Variants in HAUS6 observed in about 807,000 individuals in gnomAD.
HAUS6 encodes the protein HAUS augmin like complex subunit 6.
A neutral mutation model predicts 106.8 loss-of-function variants in HAUS6; 80 were observed. The observed-to-expected ratio is 0.75, with a 90% CI of 0.63 to 0.90. The LOEUF is 0.90. HAUS6 is among the 40% of genes least tolerant of loss of function. The pLI, the probability that HAUS6 is intolerant of heterozygous loss-of-function variation, is 0.00. For synonymous variants in HAUS6, 356 were observed against 379.1 expected (o/e 0.94, Z 0.71); for missense variants, 1,155 against 1,118.1 (o/e 1.03, Z -0.47).
At chr9:19,093,332 A>G (rs1817795099) in intron 3 of HAUS6, 29 bp from the exon 4 acceptor site, 1 of 1,570,606 alleles carries the variant, frequency 6.4e-7, no homozygotes, top group Non-Finnish European at 8.7e-7. Flanking sequence ...AGATGATTTG[A>G]AGACCTTGTT....
At chr9:19,079,785 C>G (rs55787535) in intron 9 of HAUS6, among the ~76,000 whole-genome samples, 1 of 151,312 alleles carries the variant, frequency 6.6e-6, no homozygotes, top group African/African-American at 2.4e-5. Context: ...TGCCTGTAAT[C>G]TCAGCTACTC....
rs199509421 is a variant in HAUS6, at chr9:19,087,105, T to A, written c.636A>T (p.Glu212Asp). ...AAGTCACTTACTTCTTTATTTGGTT[T>A]TCCAATCCTATACATTCAGATCTCA... ...RNLRSECIGL[E>D]NQIKKMEPYD... is the part of the protein sequence containing the mutation. The change falls in exon 6 of 17, where the codon GAA becomes GAT. Residue 212 changes from glutamate (E) to aspartate (D), a missense_variant. Coordinates refer to ENST00000380502, the MANE Select transcript of HAUS6 (RefSeq NM_017645.5). The A allele has an allele frequency of 7.3e-6, 11 of 1,512,420 alleles. No homozygotes were observed. The East Asian group carries it at 2.5e-4, about 34-fold the overall frequency. The allele number at this position is 1,512,420 out of a possible 1,614,324, so 93.7% of individuals were successfully genotyped here. A position where few individuals can be genotyped will look rare whatever the true frequency, so the allele number is the denominator to read the frequency against.
intron 1 of HAUS6, among the ~76,000 whole-genome samples, chr9:19,101,245 G>C (rs902476390): frequency 6.6e-6 from 1 of 152,156 alleles, no homozygotes. Context: ...AACAGGCCAG[G>C]CTCGGTGGCT....
chr9:19,092,938 T>C (rs1460419590), intron 4 of HAUS6, among the ~76,000 whole-genome samples: 1 of 132,014 alleles, frequency 7.6e-6, no homozygotes, highest in Non-Finnish European at 1.7e-5. Context: ...AAAAAAGAAA[T>C]GTTTCCCAAC....
chr9:19,098,089 C>T (rs1817900893), intron 1 of HAUS6, among the ~76,000 whole-genome samples: 2 of 152,196 alleles, frequency 1.3e-5, no homozygotes, highest in African/African-American at 2.4e-5. Context: ...TTCTCTTTGA[C>T]ACTTATTGTA....
At chr9:19,099,225 G>C (rs191038627) in intron 1 of HAUS6, among the ~76,000 whole-genome samples, 1 of 150,018 alleles carries the variant, frequency 6.7e-6, no homozygotes, top group Admixed American at 6.6e-5. Flanking sequence ...GGAGTGCAGC[G>C]GCGCGATCTC....
intron 2 of HAUS6, among the ~76,000 whole-genome samples, chr9:19,095,608 G>C (rs1161049670): frequency 2.0e-5 from 3 of 151,576 alleles, no homozygotes; most frequent in East Asian, 1.9e-4. Context: ...CTATTATCCT[G>C]CATACTCAGA....
intron 11 of HAUS6, among the ~76,000 whole-genome samples, chr9:19,075,783 G>A (rs1012039666): frequency 1.3e-5 from 2 of 151,058 alleles, no homozygotes; most frequent in South Asian, 2.1e-4. Flanking sequence ...GTGAAACTCC[G>A]TCTCTACTAA....
intron 11 of HAUS6, among the ~76,000 whole-genome samples, 159 bp downstream of exon 11, chr9:19,076,443 C>A (rs1037348817): frequency 7.9e-5 from 12 of 151,982 alleles, no homozygotes; most frequent in Non-Finnish European, 1.3e-4. Flanking sequence ...GAGTTATATA[C>A]TTTGCAATAA....
intron 1 of HAUS6, among the ~76,000 whole-genome samples, chr9:19,100,090 G>C (rs1262115392): frequency 1.3e-5 from 2 of 152,230 alleles, no homozygotes; most frequent in Non-Finnish European, 2.9e-5. Context: ...AGCTACTCAG[G>C]AGGCTGAGGC....
chr9:19,057,862 A>G, intron 16 of HAUS6, 99 bp downstream of exon 16: 1 of 668,636 alleles, frequency 1.5e-6, no homozygotes, highest in Non-Finnish European at 2.6e-6. Flanking sequence ...GGAGCACATT[A>G]ACAATAAAGG....
At chr9:19,091,941 C>T (rs1332043952) in intron 4 of HAUS6, among the ~76,000 whole-genome samples, 1 of 152,090 alleles carries the variant, frequency 6.6e-6, no homozygotes, top group Admixed American at 6.6e-5. Flanking sequence ...GGATTACAGG[C>T]ATGAGCCACC....
intron 1 of HAUS6, among the ~76,000 whole-genome samples, chr9:19,097,912 T>C (rs1256808899): frequency 6.6e-6 from 1 of 152,210 alleles, no homozygotes; most frequent in Non-Finnish European, 1.5e-5. Context: ...ATTTCTGACT[T>C]AGGATTACTA....
Position 19,060,133 on chromosome 9 carries a change from G to A in HAUS6, c.1720C>T (p.Pro574Ser). Residue 574 changes from proline (P) to serine (S), a missense_variant, in exon 15 of 17, where the codon CCC becomes TCC. Transcript: ENST00000380502. ...GGAATCTGATTCCTTGTTAAGAAGG[G>A]GTTAGAACCCAGAGAGTCAATTAGT... ...EELIDSLGSN[P>S]FLTRNQIPRT... 6.2e-7 allele frequency: 1 copy of A among 1,605,162 alleles called. No homozygotes were observed. Among genetic ancestry groups the A allele is most frequent in the Non-Finnish European group, 8.5e-7 (1 of 1,173,942 alleles).
At chr9:19,098,654 G>C (rs567687543) in intron 1 of HAUS6, among the ~76,000 whole-genome samples, 1 of 152,122 alleles carries the variant, frequency 6.6e-6, no homozygotes, top group East Asian at 1.9e-4. Context: ...GCAACCATAT[G>C]ATTTTTCCAA....
In HAUS6 at chr9:19,089,544, A is replaced by C. The variant is rs1434866457; in HGVS notation, c.452T>G (p.Phe151Cys). ...KSNSKNSSHH[F>C]VETFNIKPQD... ...TGGTTTTATGTTAAATGTCTCTACA[A>C]AATGATGAGAAGAATCTACACAGAA... Residue 151 changes from phenylalanine to cysteine, a missense_variant, in exon 5 of 17, where the codon TTT (phenylalanine) becomes TGT (cysteine). Phe to Cys is a radical substitution (Grantham distance 205, BLOSUM62 -2). Transcript: ENST00000380502. The C allele has an allele frequency of 6.2e-7, 1 of 1,609,734 alleles. No individual in the cohort carries two copies. Among genetic ancestry groups the C allele is most frequent in the South Asian group, 1.1e-5 (1 of 90,840 alleles).
At chr9:19,081,598 C>G (rs969013955) in intron 8 of HAUS6, among the ~76,000 whole-genome samples, 1 of 152,014 alleles carries the variant, frequency 6.6e-6, no homozygotes, top group African/African-American at 2.4e-5. Flanking sequence ...CACCACCATG[C>G]CCAGCTAATT....
chr9:19,062,620 T>G (rs1331223992), intron 14 of HAUS6, among the ~76,000 whole-genome samples: 1 of 152,190 alleles, frequency 6.6e-6, no homozygotes, highest in Non-Finnish European at 1.5e-5. Flanking sequence ...AATAATTAAC[T>G]GTATTTCGCT....
chr9:19,063,649 T>C, intron 12 of HAUS6, 69 bp from the exon 13 acceptor site: 1 of 1,033,988 alleles, frequency 9.7e-7, no homozygotes, highest in Admixed American at 1.7e-5. Context: ...TACGAGTCTA[T>C]TCTAAAATCT....
Sources: gnomAD v4.1 joint callset for allele counts (sites outside exome capture counted in the v4.1 genomes callset) on GRCh38, gnomAD v4.1.1 for gene constraint, MANE v1.5 for transcripts, NCBI Gene and HGNC (gene_info 2026-07-23, HGNC 2026-07-21) for gene names.